ENTREP2: variants seen among roughly 807,000 people sequenced by gnomAD.
ENTREP2 encodes the protein endosomal transmembrane epsin interactor 2, also known as protein ENTREP2.
the ENTREP2 span, among the ~76,000 whole-genome samples, chr15:29,673,028 T>G: frequency 6.6e-6 from 1 of 152,072 alleles, no homozygotes; most frequent in African/African-American, 2.4e-5. Context: ...GGAAGGCAAT[T>G]CCAGGAACTG....
the ENTREP2 span, among the ~76,000 whole-genome samples, chr15:29,336,020 T>C: frequency 6.6e-6 from 1 of 151,090 alleles, no homozygotes; most frequent in Admixed American, 6.6e-5. Context: ...CGGGCGCCTG[T>C]AGTCCCAGCT....
the ENTREP2 span, among the ~76,000 whole-genome samples, chr15:29,484,327 G>A: frequency 1.3e-5 from 2 of 152,072 alleles, no homozygotes. Context: ...ATTGTTCAGA[G>A]GGCACTCCAC....
the ENTREP2 span, among the ~76,000 whole-genome samples, chr15:29,661,798 A>G: frequency 6.6e-6 from 1 of 152,206 alleles, no homozygotes; most frequent in Non-Finnish European, 1.5e-5. Context: ...CTGTTGCCCA[A>G]TGGAATAACT....
chr15:29,224,328 G>C, the ENTREP2 span, among the ~76,000 whole-genome samples: 1 of 152,140 alleles, frequency 6.6e-6, no homozygotes, highest in Non-Finnish European at 1.5e-5. Flanking sequence ...CCCAAAGAGT[G>C]AGCAGCAGCA....
At chr15:29,298,160 G>A in the ENTREP2 span, among the ~76,000 whole-genome samples, 2 of 147,028 alleles carry the variant, frequency 1.4e-5, no homozygotes, top group African/African-American at 4.8e-5. Context: ...AGTAACCTAT[G>A]AATCAAAGAA....
chr15:29,516,177 T>C, the ENTREP2 span, among the ~76,000 whole-genome samples: 16 of 152,178 alleles, frequency 1.1e-4, no homozygotes, highest in East Asian at 2.9e-3. Context: ...GGCATTGGTA[T>C]TTTTAAAAGT....
the ENTREP2 span, among the ~76,000 whole-genome samples, chr15:29,667,044 C>T: frequency 1.3e-5 from 2 of 152,172 alleles, no homozygotes; most frequent in African/African-American, 2.4e-5. Flanking sequence ...CTTATAAAGA[C>T]ACCAGTCACA....
chr15:29,355,882 G>A, the ENTREP2 span, among the ~76,000 whole-genome samples: 4 of 152,174 alleles, frequency 2.6e-5, no homozygotes, highest in Non-Finnish European at 5.9e-5. Flanking sequence ...CCCACGAAGA[G>A]GAGGCTTTAT....
At chr15:29,473,417 T>A in the ENTREP2 span, among the ~76,000 whole-genome samples, 1 of 152,062 alleles carries the variant, frequency 6.6e-6, no homozygotes, top group Non-Finnish European at 1.5e-5. Flanking sequence ...ATGTAGAGGA[T>A]TCCCTGCGGC....
the ENTREP2 span, among the ~76,000 whole-genome samples, chr15:29,377,463 C>G: frequency 3.4e-4 from 52 of 152,110 alleles, no homozygotes; most frequent in African/African-American, 1.2e-3. Context: ...TATGAGATGC[C>G]AGGCAAGGAC....
At chr15:29,216,625 G>A in the ENTREP2 span, among the ~76,000 whole-genome samples, 1 of 152,182 alleles carries the variant, frequency 6.6e-6, no homozygotes, top group South Asian at 2.1e-4. Context: ...TGGTCATTTT[G>A]TTACACCCGA....
chr15:29,637,507 G>C, the ENTREP2 span, among the ~76,000 whole-genome samples: 1 of 152,210 alleles, frequency 6.6e-6, no homozygotes, highest in African/African-American at 2.4e-5. Flanking sequence ...TGAATAACTG[G>C]ATGTGTGAGG....
chr15:29,605,653 A>G, the ENTREP2 span, among the ~76,000 whole-genome samples: 7 of 152,100 alleles, frequency 4.6e-5, no homozygotes, highest in African/African-American at 1.7e-4. Flanking sequence ...CCTGGCCAAC[A>G]TGGTGAAACC....
the ENTREP2 span, among the ~76,000 whole-genome samples, chr15:29,326,174 G>C: frequency 0.012 from 1,868 of 152,218 alleles, 47 homozygotes; most frequent in African/African-American, 0.043. Context: ...AACAAGGCAA[G>C]GATATCCTCT....
At chr15:29,245,081 G>A in the ENTREP2 span, among the ~76,000 whole-genome samples, 1 of 152,102 alleles carries the variant, frequency 6.6e-6, no homozygotes, top group Non-Finnish European at 1.5e-5. Context: ...ACAAACTATG[G>A]GATCAAAGAT....
chr15:29,230,899 A>C, the ENTREP2 span, among the ~76,000 whole-genome samples: 1 of 152,166 alleles, frequency 6.6e-6, no homozygotes, highest in South Asian at 2.1e-4. Flanking sequence ...GATGAATCAC[A>C]TGGTTATATT....
chr15:29,655,506 A>C, the ENTREP2 span, among the ~76,000 whole-genome samples: 1 of 151,710 alleles, frequency 6.6e-6, no homozygotes, highest in African/African-American at 2.4e-5. Flanking sequence ...GACACACAAG[A>C]AAGCAACAAA....
chr15:29,559,364 C>T, the ENTREP2 span, among the ~76,000 whole-genome samples: 1 of 152,074 alleles, frequency 6.6e-6, no homozygotes, highest in Non-Finnish European at 1.5e-5. Context: ...GACTAATCAT[C>T]TTTGGACCAC....
chr15:29,155,574 C>T, the ENTREP2 span, among the ~76,000 whole-genome samples: 1 of 152,154 alleles, frequency 6.6e-6, no homozygotes, highest in East Asian at 1.9e-4. Flanking sequence ...GCAGCTCTGC[C>T]CTCGATGGTG....
Sources: allele counts gnomAD v4.1 joint callset (sites outside exome capture counted in the v4.1 genomes callset), GRCh38; gene constraint gnomAD v4.1.1; transcripts MANE v1.5; gene names NCBI Gene and HGNC (gene_info 2026-07-23, HGNC 2026-07-21).